The following PPFIA2 variants were observed in gnomAD, a reference collection of about 807,000 sequenced individuals.
The protein encoded by PPFIA2 is liprin-alpha-2.
A neutral mutation model predicts 175.5 loss-of-function variants in PPFIA2; 46 were observed. The ratio of observed to expected loss-of-function variants is 0.26; its 90% CI spans 0.21 to 0.34. PPFIA2 has a LOEUF of 0.34. Among genes scored for constraint, PPFIA2 ranks in the 10% least tolerant of loss-of-function variants. The pLI is 1.00. For synonymous variants in PPFIA2, 568 were observed against 511.4 expected, an observed-to-expected ratio of 1.11 and a Z score of -1.49; for missense variants, 1,179 against 1,506.1, an observed-to-expected ratio of 0.78 and a Z score of 3.60.
intron 8 of PPFIA2, among the ~76,000 whole-genome samples, chr12:81,402,726 C>T (rs28439726): frequency 0.26 from 39,245 of 151,892 alleles, 6,630 homozygotes; most frequent in East Asian, 0.53. Context: ...GGGTGGCTCA[C>T]GCCAGTAATG....
At chr12:81,325,722 T>C in intron 22 of PPFIA2, 55 bp downstream of exon 22, 1 of 1,255,030 alleles carries the variant, frequency 8.0e-7, no homozygotes, top group South Asian at 1.3e-5. Context: ...TCCCTATAAA[T>C]AATAATAAGG....
At chr12:81,529,728 G>A (rs1337521393) in intron 4 of PPFIA2, among the ~76,000 whole-genome samples, 1 of 151,968 alleles carries the variant, frequency 6.6e-6, no homozygotes, top group African/African-American at 2.4e-5. Flanking sequence ...AAATACAGCT[G>A]ACTACTTGTT....
At position 81,368,247 on chromosome 12, in the gene PPFIA2, T is replaced by C. The variant is rs996364626; in HGVS notation, c.1482+478A>G. On this transcript the variant is annotated intron_variant, in intron 13 of 32. Transcript: ENST00000549396. ...ATTTCTGAAATAATGCAGCTGAAAA[T>C]ACTGGGTTCCTAAACCCTCTACTGG... is the stretch of plus-strand genomic sequence containing the variant. The C allele has an allele frequency of 1.0e-4, 99 of 985,328 alleles. No homozygotes were observed. The African/African-American group carries it at 1.6e-3, about 16-fold the overall frequency. The allele number at this position is 985,328 out of a possible 1,614,324, so 61.0% of individuals were successfully genotyped here. A position where few individuals can be genotyped will look rare whatever the true frequency, so the allele number is the denominator to read the frequency against.
At chr12:81,731,375 T>C (rs535655490) in intron 3 of PPFIA2, among the ~76,000 whole-genome samples, 1 of 151,778 alleles carries the variant, frequency 6.6e-6, no homozygotes, top group South Asian at 2.1e-4. Flanking sequence ...TTTTTGTAAT[T>C]TCTCTTGGCT....
chr12:81,679,494 T>C (rs935153810), intron 3 of PPFIA2, among the ~76,000 whole-genome samples: 7 of 151,872 alleles, frequency 4.6e-5, no homozygotes, highest in African/African-American at 1.7e-4. Flanking sequence ...TTGTGCCAAG[T>C]TTCAGATTTT....
chr12:81,522,448 G>A (rs1209755057), intron 4 of PPFIA2, among the ~76,000 whole-genome samples: 1 of 151,954 alleles, frequency 6.6e-6, no homozygotes. Context: ...AGTTCTAAAA[G>A]GGCTTATACA....
At chr12:81,338,896 G>A (rs1440227567) in intron 21 of PPFIA2, among the ~76,000 whole-genome samples, 4 of 152,072 alleles carry the variant, frequency 2.6e-5, no homozygotes, top group Admixed American at 2.0e-4. Flanking sequence ...CATTTACTTT[G>A]TAGGCAACTG....
intron 3 of PPFIA2, among the ~76,000 whole-genome samples, chr12:81,713,431 T>C (rs986465216): frequency 2.6e-5 from 4 of 151,318 alleles, no homozygotes; most frequent in Non-Finnish European, 2.9e-5. Context: ...ATAATTTCTA[T>C]TGATAGGTCT....
At chr12:81,504,247 T>A (rs1229172198) in intron 4 of PPFIA2, among the ~76,000 whole-genome samples, 2 of 152,218 alleles carry the variant, frequency 1.3e-5, no homozygotes, top group East Asian at 3.9e-4. Flanking sequence ...AATCTATCCA[T>A]CTGACAAACG....
At chr12:81,504,289 C>T (rs779368253) in intron 4 of PPFIA2, among the ~76,000 whole-genome samples, 1 of 151,858 alleles carries the variant, frequency 6.6e-6, no homozygotes, top group Non-Finnish European at 1.5e-5. Flanking sequence ...GGAACTTAAA[C>T]AAATTTACGA....
chr12:81,489,892 C>T (rs1052478698), intron 4 of PPFIA2, among the ~76,000 whole-genome samples: 5 of 151,862 alleles, frequency 3.3e-5, no homozygotes, highest in Admixed American at 1.3e-4. Flanking sequence ...ATTCTGTGTT[C>T]TAACACTATA....
intron 21 of PPFIA2, among the ~76,000 whole-genome samples, chr12:81,328,719 T>C (rs2055387100): frequency 6.6e-6 from 1 of 152,140 alleles, no homozygotes; most frequent in Non-Finnish European, 1.5e-5. Flanking sequence ...TTGGGTATTA[T>C]AATGATTGGC....
chr12:81,530,306 T>G (rs2064332812), intron 4 of PPFIA2, among the ~76,000 whole-genome samples: 2 of 151,900 alleles, frequency 1.3e-5, no homozygotes, highest in East Asian at 1.9e-4. Flanking sequence ...AGAATACAAA[T>G]GAACACAATT....
chr12:81,550,004 G>A lies in PPFIA2; in HGVS notation c.304-92138C>T, dbSNP rs139008752. Among the ~76,000 whole-genome samples the A allele has an allele frequency of 2.6e-4, 40 of 152,044 alleles. No individual in the cohort carries two copies. The East Asian group carries it at 7.4e-3, about 28-fold the overall frequency. ...TAAGGTATATTCCAAGGCAAAGATA[G>A]CTTTCTTTCTGAAAGGACCCTTTAA... On this transcript the variant is annotated intron_variant, in intron 4 of 32. Transcript: ENST00000549396.
intron 8 of PPFIA2, among the ~76,000 whole-genome samples, chr12:81,385,458 G>A (rs1216430544): frequency 6.6e-6 from 1 of 152,106 alleles, no homozygotes; most frequent in Non-Finnish European, 1.5e-5. Context: ...ACCTAACTAA[G>A]TGTCTATCAA....
intron 7 of PPFIA2, 66 bp downstream of exon 7, chr12:81,439,906 T>C: frequency 7.9e-7 from 1 of 1,269,314 alleles, no homozygotes. Context: ...AAAAGTGACG[T>C]GAAACACAAG....
At chr12:81,294,497 G>A (rs1390358810) in intron 24 of PPFIA2, 80 of 190,452 alleles carry the variant, frequency 4.2e-4, no homozygotes, top group African/African-American at 2.0e-3. Context: ...AAAGAAGGAA[G>A]GAAGGGAGGG....
chr12:81,518,187 T>G (rs1297435225), intron 4 of PPFIA2, among the ~76,000 whole-genome samples: 2 of 152,180 alleles, frequency 1.3e-5, no homozygotes, highest in Non-Finnish European at 2.9e-5. Context: ...ATTTCACTAT[T>G]CCAGTCAAAA....
At chr12:81,725,374 T>C (rs1037124907) in intron 3 of PPFIA2, among the ~76,000 whole-genome samples, 4 of 150,890 alleles carry the variant, frequency 2.7e-5, no homozygotes, top group Non-Finnish European at 5.9e-5. Flanking sequence ...GCATTAAAGA[T>C]AACACTAATA....
Sources: allele counts gnomAD v4.1 joint callset (sites outside exome capture counted in the v4.1 genomes callset), GRCh38; gene constraint gnomAD v4.1.1; transcripts MANE v1.5; gene names NCBI Gene and HGNC (gene_info 2026-07-23, HGNC 2026-07-21).